SLC25A21: variants seen among roughly 807,000 people sequenced by gnomAD.
The protein encoded by SLC25A21 is mitochondrial 2-oxodicarboxylate carrier.
SLC25A21 carries 47 observed loss-of-function variants against 43.8 expected under a neutral mutation model. The observed-to-expected ratio is 1.07, with a 90% CI of 0.85 to 1.37. The LOEUF (loss-of-function observed/expected upper bound fraction) is 1.37, where lower values mean the gene tolerates loss of function less well. SLC25A21 is among the 40% of genes most tolerant of loss of function. The probability of loss-of-function intolerance (pLI) is 0.00; values close to 1 mark genes in which losing one functional copy is unlikely to be tolerated. For missense variants in SLC25A21, 352 were observed against 350.2 expected, an observed-to-expected ratio of 1.00 and a Z score of -0.04; for synonymous variants, 131 against 121.3, an observed-to-expected ratio of 1.08 and a Z score of -0.52.
intron 1 of SLC25A21, among the ~76,000 whole-genome samples, chr14:36,889,950 C>A (rs1308498079): frequency 6.6e-6 from 1 of 152,106 alleles, no homozygotes; most frequent in Non-Finnish European, 1.5e-5. Context: ...TCTCCCTTTT[C>A]TAGGTGTTGG....
intron 1 of SLC25A21, among the ~76,000 whole-genome samples, chr14:37,165,334 G>A (rs907674467): frequency 1.3e-5 from 2 of 151,630 alleles, no homozygotes; most frequent in African/African-American, 2.4e-5. Context: ...CCAAGATTGC[G>A]CCACTGTACT....
chr14:36,693,633 T>A (rs1269576952), intron 7 of SLC25A21, among the ~76,000 whole-genome samples: 2 of 152,068 alleles, frequency 1.3e-5, no homozygotes, highest in African/African-American at 2.4e-5. Context: ...AGTTTTTTAT[T>A]TTTATTTATT....
chr14:37,159,651 C>T (rs1963906600), intron 1 of SLC25A21, among the ~76,000 whole-genome samples: 1 of 152,050 alleles, frequency 6.6e-6, no homozygotes, highest in Non-Finnish European at 1.5e-5. Flanking sequence ...GAAAACTTTC[C>T]TGGACATTGG....
chr14:37,117,376 T>A (rs1227676560), intron 1 of SLC25A21, among the ~76,000 whole-genome samples: 2 of 152,102 alleles, frequency 1.3e-5, no homozygotes, highest in Non-Finnish European at 2.9e-5. Flanking sequence ...CTCAGTAAAG[T>A]GTTTTGTATG....
chr14:36,765,350 T>C (rs143013669), intron 3 of SLC25A21, among the ~76,000 whole-genome samples: 2 of 152,202 alleles, frequency 1.3e-5, no homozygotes, highest in African/African-American at 4.8e-5. Context: ...GCTGACTACA[T>C]GGAGCAGAGG....
intron 1 of SLC25A21, among the ~76,000 whole-genome samples, chr14:37,171,132 AGGGG>A (rs1964120594): frequency 7.2e-4 from 1 of 1,392 alleles, no homozygotes; most frequent in South Asian, 0.02. Flanking sequence ...AGGGGAGGGG[AGGGG>A]AGGGGTGGGG....
chr14:36,839,378 A>G (rs1033059568), intron 2 of SLC25A21, among the ~76,000 whole-genome samples: 2 of 152,244 alleles, frequency 1.3e-5, no homozygotes, highest in African/African-American at 4.8e-5. Flanking sequence ...TGAACATACC[A>G]GTTTCATTTA....
chr14:37,089,589 A>G (rs1950377), intron 1 of SLC25A21, among the ~76,000 whole-genome samples: 139,920 of 152,196 alleles, frequency 0.92, 64,422 homozygotes, highest in East Asian at 1. Flanking sequence ...CCCCAAACAG[A>G]TTTCTTGGAG....
At position 36,894,436 on chromosome 14, in the gene SLC25A21, T is replaced by G. The variant is rs536481277; in HGVS notation, c.71-19432A>C. On this transcript the variant is annotated intron_variant, in intron 1 of 9. Coordinates refer to ENST00000331299, the MANE Select transcript of SLC25A21 (RefSeq NM_030631.4). ...TTTGCCTATCAGCTTAAGGAGATTT[T>G]GGGCTGAGACAATGGGGTTTTCTAG... Among the ~76,000 whole-genome samples the G allele has an allele frequency of 3.9e-5, 6 of 152,340 alleles. No homozygotes were observed. In the South Asian group the frequency reaches 1.2e-3, roughly 32 times the overall value.
intron 7 of SLC25A21, among the ~76,000 whole-genome samples, chr14:36,695,450 A>G (rs1882975201): frequency 6.6e-6 from 1 of 152,204 alleles, no homozygotes; most frequent in Non-Finnish European, 1.5e-5. Context: ...GTGTGAAGAA[A>G]GTCATCGGTA....
intron 1 of SLC25A21, among the ~76,000 whole-genome samples, chr14:36,993,831 C>T (rs1193046101): frequency 6.6e-6 from 1 of 152,124 alleles, no homozygotes; most frequent in Non-Finnish European, 1.5e-5. Flanking sequence ...AATGTGGCCA[C>T]TTGACAATCC....
intron 2 of SLC25A21, among the ~76,000 whole-genome samples, chr14:36,853,401 T>C (rs574271525): frequency 5.6e-4 from 86 of 152,336 alleles, no homozygotes; most frequent in African/African-American, 2.0e-3. Flanking sequence ...CTCTCTCACA[T>C]AGGAGTATGG....
At chr14:36,741,199 G>C (rs1215684077) in intron 3 of SLC25A21, among the ~76,000 whole-genome samples, 3 of 152,178 alleles carry the variant, frequency 2.0e-5, no homozygotes, top group Middle Eastern at 3.4e-3. Context: ...TTGTACCATA[G>C]AGTTGAACTC....
chr14:36,715,573 A>C (rs761687112), intron 6 of SLC25A21, among the ~76,000 whole-genome samples: 16 of 152,184 alleles, frequency 1.1e-4, no homozygotes, highest in Non-Finnish European at 2.2e-4. Context: ...TGTGGGCCAA[A>C]TTGCACTCTA....
intron 1 of SLC25A21, among the ~76,000 whole-genome samples, chr14:37,149,756 T>C (rs1389889963): frequency 6.6e-6 from 1 of 152,190 alleles, no homozygotes; most frequent in African/African-American, 2.4e-5. Context: ...TTATATTTAG[T>C]ACAGTACCTT....
At chr14:36,978,497 C>T (rs1959934739) in intron 1 of SLC25A21, among the ~76,000 whole-genome samples, 1 of 152,122 alleles carries the variant, frequency 6.6e-6, no homozygotes, top group Non-Finnish European at 1.5e-5. Context: ...ACAGGGCTGC[C>T]ACAAACCTTC....
intron 2 of SLC25A21, among the ~76,000 whole-genome samples, chr14:36,853,048 C>G (rs1348961696): frequency 6.6e-6 from 1 of 152,094 alleles, no homozygotes; most frequent in Non-Finnish European, 1.5e-5. Context: ...AATACTTGCA[C>G]TATAAGCTTG....
At chr14:36,836,186 T>C (rs1196574730) in intron 2 of SLC25A21, among the ~76,000 whole-genome samples, 2 of 152,196 alleles carry the variant, frequency 1.3e-5, no homozygotes. Flanking sequence ...CTTAAAAAGC[T>C]GTACTGCTAT....
chr14:37,098,012 G>A (rs952434622), intron 1 of SLC25A21: 2 of 152,056 alleles, frequency 1.3e-5, no homozygotes, highest in African/African-American at 2.4e-5. Flanking sequence ...TTCCTTTTAC[G>A]GTTCTTACAA....
Sources: gnomAD v4.1 joint callset for allele counts (sites outside exome capture counted in the v4.1 genomes callset) on GRCh38, gnomAD v4.1.1 for gene constraint, MANE v1.5 for transcripts, NCBI Gene and HGNC (gene_info 2026-07-23, HGNC 2026-07-21) for gene names.